DAO: variants seen among roughly 807,000 people sequenced by gnomAD.
DAO encodes D-amino-acid oxidase.
A neutral mutation model predicts 50.1 loss-of-function variants in DAO; 51 were observed. The ratio of observed to expected loss-of-function variants is 1.02; its 90% confidence interval spans 0.81 to 1.29. The LOEUF (loss-of-function observed/expected upper bound fraction) is 1.29, where lower values mean the gene tolerates loss of function less well. DAO is among the 50% of genes most tolerant of loss of function. The probability of loss-of-function intolerance (pLI) is 0.00; values close to 1 mark genes in which losing one functional copy is unlikely to be tolerated. For synonymous variants in DAO, 160 were observed against 166.2 expected (o/e 0.96, Z 0.29); for missense variants, 436 against 439.4 (o/e 0.99, Z 0.07).
Position 108,893,022 on chromosome 12 carries a change from G to C in DAO, c.493G>C (p.Glu165Gln), listed in dbSNP as rs762283808. ...RGVKFFQRKV[E>Q]SFEEVAREGA... ...AGTGAAGTTCTTCCAGCGGAAAGTGGAGTCTTTTGAGGAGGTGAGTTGCAG... is the reference window on the plus strand; with the variant it reads ...AGTGAAGTTCTTCCAGCGGAAAGTGCAGTCTTTTGAGGAGGTGAGTTGCAG... Residue 165 changes from glutamate to glutamine, a missense_variant, in exon 6 of 11, where the codon GAG becomes CAG. Physicochemically the swap from Glu to Gln is conservative, Grantham distance 29. Coordinates refer to ENST00000228476, the MANE Select transcript of DAO (RefSeq NM_001917.5). 1.2e-6 allele frequency: 2 copies of C among 1,614,042 alleles called. No individual in the cohort carries two copies. Among genetic ancestry groups the C allele is most frequent in the South Asian group, 2.2e-5 (2 of 91,068 alleles).
intron 1 of DAO, among the ~76,000 whole-genome samples, chr12:108,881,760 A>G (rs1301327972): frequency 2.0e-5 from 3 of 151,770 alleles, no homozygotes; most frequent in Non-Finnish European, 4.4e-5. Flanking sequence ...GTGCACCACC[A>G]TGCCAAGCTA....
chr12:108,882,900 C>A (rs117679867), intron 1 of DAO, among the ~76,000 whole-genome samples: 1 of 152,058 alleles, frequency 6.6e-6, no homozygotes, highest in Admixed American at 6.5e-5. Context: ...GAAAGCCCAG[C>A]GCTTTGGGAG....
intron 5 of DAO, among the ~76,000 whole-genome samples, chr12:108,890,864 G>A (rs910272570): frequency 1.3e-5 from 2 of 152,266 alleles, no homozygotes; most frequent in South Asian, 2.1e-4. Flanking sequence ...TGTCACCCAG[G>A]CTGGAGTGCA....
intron 8 of DAO, chr12:108,898,334 A>G (rs1327342478): frequency 2.8e-6 from 1 of 358,238 alleles, no homozygotes; most frequent in Non-Finnish European, 5.5e-6. Flanking sequence ...AGGCAATGTT[A>G]ATAACATGGT....
At chr12:108,892,933 G>A in intron 5 of DAO, 49 bp from the exon 6 acceptor site, 1 of 1,561,478 alleles carries the variant, frequency 6.4e-7, no homozygotes, top group Non-Finnish European at 8.8e-7. Flanking sequence ...TTGGTGGGAT[G>A]GGGCAGATAG....
At chr12:108,893,588 C>T (rs912282967) in intron 6 of DAO, among the ~76,000 whole-genome samples, 11 of 152,216 alleles carry the variant, frequency 7.2e-5, no homozygotes, top group African/African-American at 2.7e-4. Flanking sequence ...TGAAGACTAA[C>T]CTGCTCTGGT....
intron 6 of DAO, among the ~76,000 whole-genome samples, chr12:108,893,762 C>G (rs1320698238): frequency 6.6e-6 from 1 of 152,108 alleles, no homozygotes; most frequent in African/African-American, 2.4e-5. Flanking sequence ...GCTCACGATG[C>G]GTGCTTGAGA....
chr12:108,900,466 G>C lies in DAO; in HGVS notation c.975G>C (p.Glu325Asp). Residue 325 changes from glutamate (E) to aspartate (D), a missense_variant, in exon 11 of 11, where the codon GAG (glutamate) becomes GAC (aspartate). Glu to Asp is a conservative substitution (Grantham distance 45). Transcript: ENST00000228476. ...CCATCCACTGGGGATGTGCCCTGGA[G>C]GCAGCCAAGCTCTTTGGGAGAATCC... ...GLTIHWGCAL[E>D]AAKLFGRILE... The C allele has an allele frequency of 6.2e-7, 1 of 1,614,172 alleles. No individual in the cohort carries two copies. The highest frequency in any genetic ancestry group is 8.5e-7 in the Non-Finnish European group (1 of 1,180,016).
intron 10 of DAO, 100 bp from the exon 11 acceptor site, chr12:108,900,304 C>A: frequency 2.0e-6 from 3 of 1,493,666 alleles, no homozygotes; most frequent in Non-Finnish European, 2.8e-6. Flanking sequence ...TTGCCCAGGA[C>A]TCTTCGGGAG....
At chr12:108,895,822 T>TGTGCTTCTGTGTGTAGGGGTGC (rs2039548292) in intron 7 of DAO, among the ~76,000 whole-genome samples, 1 of 151,922 alleles carries the variant, frequency 6.6e-6, no homozygotes, top group Admixed American at 6.6e-5. Context: ...TGCAGGTGTG[T>TGTGCTTCTGTGTGTAGGGGTGC]GTGCTTCTGT....
At position 108,894,350 on chromosome 12, in the gene DAO, C is replaced by A. The variant is rs139166976; in HGVS notation, c.595C>A (p.Arg199=). 4.3e-6 allele frequency: 7 copies of A among 1,613,564 alleles called. No homozygotes were observed. The highest frequency in any genetic ancestry group is 5.9e-6 in the Non-Finnish European group (7 of 1,179,684). The change falls in exon 7 of 11, where the codon CGG becomes AGG. Residue 199 remains arginine, a synonymous_variant. Coordinates refer to ENST00000228476, the MANE Select transcript of DAO (RefSeq NM_001917.5). Reference sequence around the variant, plus strand: ...ACGAGACCCCCTGCTGCAGCCAGGCCGGGGGCAGATCATGAAGGTGAGTGT... The same window carrying A: ...ACGAGACCCCCTGCTGCAGCCAGGCAGGGGGCAGATCATGAAGGTGAGTGT... ...LQRDPLLQPG[R]GQIMKVDAPW... is the part of the protein sequence containing the mutation.
rs200850756 is a variant in DAO, at chr12:108,894,351, G to A, written c.596G>A (p.Arg199Gln). 3.4e-4 allele frequency: 546 copies of A among 1,613,112 alleles called. 4 individuals carry two copies. Among genetic ancestry groups the A allele is most frequent in the South Asian group, 2.1e-3 (195 of 91,004 alleles). ...LQRDPLLQPGRGQIMKVDAPW... is the reference protein window; with the variant it reads ...LQRDPLLQPGQGQIMKVDAPW... ...CGAGACCCCCTGCTGCAGCCAGGCC[G>A]GGGGCAGATCATGAAGGTGAGTGTG... is the stretch of plus-strand genomic sequence containing the variant. The change falls in exon 7 of 11, where the codon CGG becomes CAG. Residue 199 changes from arginine to glutamine, a missense_variant. Transcript: ENST00000228476.
chr12:108,885,270 C>T, intron 2 of DAO, 70 bp downstream of exon 2: 1 of 1,463,560 alleles, frequency 6.8e-7, no homozygotes, highest in Non-Finnish European at 9.5e-7. Context: ...GTCAGGGTTC[C>T]CATCACCAAG....
intron 6 of DAO, among the ~76,000 whole-genome samples, chr12:108,893,551 G>A (rs993366356): frequency 2.6e-5 from 4 of 152,124 alleles, no homozygotes; most frequent in Admixed American, 6.5e-5. Context: ...AAGGCGCTCC[G>A]TACATGTAGC....
chr12:108,890,257 CAG>C lies in DAO; in HGVS notation c.437_438del (p.Gln146LeufsTer4), dbSNP rs1566036769. 6.2e-7 allele frequency: 1 copy of C among 1,613,534 alleles called. No homozygotes were observed. The highest frequency in any genetic ancestry group is 8.5e-7 in the Non-Finnish European group (1 of 1,179,444). ...SLILEGKNYL[Q>X]WLTERLTERG... is the part of the protein sequence containing the mutation. ...AATTCTGGAGGGAAAGAACTATCTA[CAG>C]TGGCTGACTGAAAGGTGAGATTTTA... is the stretch of plus-strand genomic sequence containing the variant. On this transcript the variant is annotated frameshift_variant, in exon 5 of 11. Coordinates refer to ENST00000228476, the MANE Select transcript of DAO (RefSeq NM_001917.5). LOFTEE classifies it high-confidence loss of function.
chr12:108,884,588 T>C (rs2039413970), intron 1 of DAO, among the ~76,000 whole-genome samples: 2 of 152,192 alleles, frequency 1.3e-5, no homozygotes, highest in African/African-American at 4.8e-5. Flanking sequence ...GGTTGAAGCA[T>C]CTTGCCCAAA....
intron 5 of DAO, among the ~76,000 whole-genome samples, chr12:108,891,622 C>T (rs1346160225): frequency 1.3e-5 from 2 of 151,826 alleles, no homozygotes; most frequent in Non-Finnish European, 2.9e-5. Context: ...GAGACAAAAT[C>T]TTACTTTGTC....
chr12:108,899,657 C>G, intron 10 of DAO, 182 bp downstream of exon 10: 1 of 667,452 alleles, frequency 1.5e-6, no homozygotes, highest in Non-Finnish European at 2.7e-6. Context: ...TGGTTAAGGA[C>G]CTGCTCAAGG....
At position 108,885,010 on chromosome 12, in the gene DAO, C is replaced by A. The variant is rs773765064; in HGVS notation, c.4C>A (p.Arg2Ser). The part of the protein sequence containing the change: M[R>S]VVVIGAGVIG... The stretch of plus-strand genomic sequence containing the variant: ...TTCCTTCCCACAGGCTGCTGCAATG[C>A]GTGTGGTGGTGATTGGAGCAGGAGT... Residue 2 changes from arginine (R) to serine (S), a missense_variant, in exon 2 of 11, where the codon CGT (arginine) becomes AGT (serine). Transcript: ENST00000228476. 3 of 1,613,930 alleles carry A rather than the reference C, an allele frequency of 1.9e-6. No homozygotes were observed. The highest frequency in any genetic ancestry group is 2.5e-6 in the Non-Finnish European group (3 of 1,179,962).
Sources: gnomAD v4.1 joint callset for allele counts (sites outside exome capture counted in the v4.1 genomes callset) on GRCh38, gnomAD v4.1.1 for gene constraint, MANE v1.5 for transcripts, NCBI Gene and HGNC (gene_info 2026-07-23, HGNC 2026-07-21) for gene names.